Variants in HTT observed in about 807,000 individuals in gnomAD.
HTT encodes huntingtin, also known as huntington disease protein.
In HTT, 104 loss-of-function variants were observed where a neutral mutation model predicts 362.3. The ratio of observed to expected loss-of-function variants is 0.29; its 90% CI spans 0.24 to 0.34. The LOEUF is 0.34. HTT is among the 10% of genes least tolerant of loss of function. The pLI is 1.00. For synonymous variants in HTT, 1,577 were observed against 1,548.7 expected, an observed-to-expected ratio of 1.02 and a Z score of -0.43; for missense variants, 3,301 against 3,928.6, an observed-to-expected ratio of 0.84 and a Z score of 4.27.
intron 29 of HTT, among the ~76,000 whole-genome samples, chr4:3,171,729 G>A (rs773751327): frequency 1.3e-5 from 2 of 152,160 alleles, no homozygotes; most frequent in East Asian, 3.9e-4. Flanking sequence ...CACCTGCCTC[G>A]ATCTCCCAAA....
intron 6 of HTT, among the ~76,000 whole-genome samples, chr4:3,112,198 A>C (rs1035618934): frequency 6.6e-6 from 1 of 152,178 alleles, no homozygotes; most frequent in Admixed American, 6.5e-5. Context: ...GTTGGATTAG[A>C]AATCTCCCAC....
In HTT at chr4:3,134,648, C is replaced by T. The variant is rs776834535; in HGVS notation, c.2633+108C>T. Reference sequence around the variant, plus strand: ...TCAAGTACCCTGTCCATCAGAAATCCGAGTGGTTTAGGTAGATGACAGTGA... The same window carrying T: ...TCAAGTACCCTGTCCATCAGAAATCTGAGTGGTTTAGGTAGATGACAGTGA... On this transcript the variant is annotated intron_variant, in intron 19 of 66. Transcript: ENST00000355072. 14 of 1,050,930 alleles carry T rather than the reference C, an allele frequency of 1.3e-5. 1 individual carries two copies. Among genetic ancestry groups the T allele is most frequent in the African/African-American group, 3.2e-5 (2 of 62,948 alleles). 65.1% of individuals were successfully genotyped at this position (1,050,930 alleles called of 1,614,324 possible).
intron 29 of HTT, among the ~76,000 whole-genome samples, 182 bp from the exon 30 acceptor site, chr4:3,172,138 A>G (rs150386445): frequency 6.6e-6 from 1 of 152,370 alleles, no homozygotes; most frequent in Non-Finnish European, 1.5e-5. Flanking sequence ...AATGTATATA[A>G]CTTGGATTTC....
chr4:3,209,960 A>T lies in HTT; in HGVS notation c.6414+11A>T. The stretch of plus-strand genomic sequence containing the variant: ...TTCATGATGAACTCGGTACGGGGGG[A>T]GCAGTGGAGGCAAGGAATCCTCAGC... On this transcript the variant is annotated intron_variant, in intron 47 of 66. Coordinates refer to ENST00000355072, the MANE Select transcript of HTT (RefSeq NM_001388492.1). The T allele has an allele frequency of 2.5e-6, 4 of 1,612,022 alleles. No homozygotes were observed. The highest frequency in any genetic ancestry group is 2.5e-6 in the Non-Finnish European group (3 of 1,178,936).
chr4:3,118,225 T>C (rs1715125861), intron 8 of HTT, among the ~76,000 whole-genome samples: 1 of 152,252 alleles, frequency 6.6e-6, no homozygotes, highest in African/African-American at 2.4e-5. Context: ...CCAGTATTTC[T>C]TATATAATAT....
At chr4:3,122,279 A>G (rs1306923601) in intron 9 of HTT, among the ~76,000 whole-genome samples, 1 of 152,138 alleles carries the variant, frequency 6.6e-6, no homozygotes, top group Non-Finnish European at 1.5e-5. Context: ...AGCCTCTACC[A>G]CTGGGTCTGG....
chr4:3,187,598 A>C, intron 38 of HTT, 53 bp from the exon 39 acceptor site: 1 of 1,384,978 alleles, frequency 7.2e-7, no homozygotes, highest in East Asian at 2.3e-5. Flanking sequence ...ATTGGGGGAA[A>C]TTTAATCTTC....
intron 21 of HTT, among the ~76,000 whole-genome samples, chr4:3,139,420 ACTC>A (rs1331155792): frequency 1.3e-5 from 2 of 150,138 alleles, no homozygotes; most frequent in Non-Finnish European, 3.0e-5. Context: ...CTGATCTTGA[ACTC>A]CTGGCCTCAA....
chr4:3,183,649 A>G (rs569634661), intron 37 of HTT, among the ~76,000 whole-genome samples: 1 of 152,308 alleles, frequency 6.6e-6, no homozygotes, highest in South Asian at 2.1e-4. Context: ...GCTTCTGGTG[A>G]GATTGACAGC....
rs200397557 is a variant in HTT at position 3,107,267 on chromosome 4, G to A, written c.609-18G>A. ...AAGGAGAGCTGGAAGAATGACTTGCGTTCTTTTGCATACACAGGCCTTACC... is the reference window on the plus strand; with the variant it reads ...AAGGAGAGCTGGAAGAATGACTTGCATTCTTTTGCATACACAGGCCTTACC... On this transcript the variant is annotated intron_variant, in intron 5 of 66. Transcript: ENST00000355072. 3.3e-5 allele frequency: 53 copies of A among 1,607,564 alleles called. No homozygotes were observed. The African/African-American group carries it at 4.6e-4, about 14-fold the overall frequency.
intron 8 of HTT, among the ~76,000 whole-genome samples, chr4:3,118,725 G>A (rs75065354): frequency 0.013 from 2,026 of 151,778 alleles, 49 homozygotes; most frequent in African/African-American, 0.046. Context: ...GAGGGTGAAG[G>A]GGAAAAAAGG....
Position 3,132,628 on chromosome 4 carries a change from C to A in HTT, c.2303C>A (p.Thr768Asn). The change falls in exon 17 of 67, where the codon ACT becomes AAT. Residue 768 changes from threonine (T) to asparagine (N), a missense_variant. Physicochemically the swap from Thr to Asn is moderately conservative, Grantham distance 65. Transcript: ENST00000355072. ...DHGDPQVRGA[T>N]AILCGTLICS... The stretch of plus-strand genomic sequence containing the variant: ...GGAGACCCACAGGTTCGAGGAGCCA[C>A]TGCCATTCTCTGTGGGACCCTCATC... 6.2e-7 allele frequency: 1 copy of A among 1,614,040 alleles called. No individual in the cohort carries two copies. The highest frequency in any genetic ancestry group is 8.5e-7 in the Non-Finnish European group (1 of 1,179,872).
At chr4:3,187,012 C>G (rs2110247452) in intron 38 of HTT, among the ~76,000 whole-genome samples, 1 of 151,748 alleles carries the variant, frequency 6.6e-6, no homozygotes, top group Admixed American at 6.6e-5. Context: ...GCGCCCACCA[C>G]CACGCCCGGC....
intron 35 of HTT, among the ~76,000 whole-genome samples, chr4:3,179,837 A>AG (rs1718425940): frequency 8.2e-6 from 1 of 121,672 alleles, no homozygotes; most frequent in Non-Finnish European, 1.7e-5. Flanking sequence ...TGTGTCACTG[A>AG]GGGGGTCAGA....
intron 64 of HTT, among the ~76,000 whole-genome samples, chr4:3,236,671 C>T (rs1721552039): frequency 6.6e-6 from 1 of 152,144 alleles, no homozygotes; most frequent in Non-Finnish European, 1.5e-5. Flanking sequence ...GCCGTGGTGC[C>T]TGTGAGCAGG....
Position 3,223,505 on chromosome 4 carries a change from G to C in HTT, c.7570G>C (p.Val2524Leu). Residue 2524 changes from valine (V) to leucine (L), a missense_variant, in exon 55 of 67, where the codon GTA becomes CTA. Val to Leu is a conservative substitution (Grantham distance 32, BLOSUM62 1). Transcript: ENST00000355072. ...MTVPVAGNPA[V>L]SCLEQQPRNK... ...TGTGCCTGTGGCCGGCAACCCAGCTGTAAGCTGCTTGGAGCAGCAGCCCCG... is the reference window on the plus strand; with the variant it reads ...TGTGCCTGTGGCCGGCAACCCAGCTCTAAGCTGCTTGGAGCAGCAGCCCCG... 1 of 1,613,980 alleles carries C rather than the reference G, an allele frequency of 6.2e-7. No homozygotes were observed. Among genetic ancestry groups the C allele is most frequent in the South Asian group, 1.1e-5 (1 of 91,046 alleles).
At chr4:3,165,817 T>G (rs1217672831) in intron 29 of HTT, among the ~76,000 whole-genome samples, 2 of 152,100 alleles carry the variant, frequency 1.3e-5, no homozygotes, top group African/African-American at 4.8e-5. Context: ...TCTAACATTT[T>G]TTTCAAGGTT....
rs3025855 is a variant in HTT at position 3,130,525 on chromosome 4, C to A, written c.1986+102C>A. On this transcript the variant is annotated intron_variant, in intron 14 of 66. Transcript: ENST00000355072. ...ACTTTATTGCTTTCCCATCCCTGGG[C>A]CTTTAAATTTCCCCTTTAAATACCA... The A allele has an allele frequency of 1.1e-5, 7 of 636,618 alleles. No individual in the cohort carries two copies. The Admixed American group carries it at 1.6e-4, about 15-fold the overall frequency. The allele number at this position is 636,618 out of a possible 1,614,324, so 39.4% of individuals were successfully genotyped here.
In HTT at chr4:3,160,317, T is replaced by G. The variant is rs1717374183; in HGVS notation, c.3789T>G (p.Phe1263Leu). 8.4e-6 allele frequency: 13 copies of G among 1,553,364 alleles called. No individual in the cohort carries two copies. The highest frequency in any genetic ancestry group is 2.0e-5 in the Admixed American group (1 of 51,086). The change falls in exon 29 of 67, where the codon TTT (phenylalanine) becomes TTG (leucine). Residue 1263 changes from phenylalanine to leucine, a missense_variant. Physicochemically the swap from Phe to Leu is conservative, Grantham distance 22 (BLOSUM62 0). Transcript: ENST00000355072. ...TLDLQNSTEK[F>L]GGFLRSALDV... The stretch of plus-strand genomic sequence containing the variant: ...ATCTTCAGAACAGCACGGAAAAGTT[T>G]GGAGGGTTTCTCCGCTCAGCCTTGG...
Sources: allele counts gnomAD v4.1 joint callset (sites outside exome capture counted in the v4.1 genomes callset), GRCh38; gene constraint gnomAD v4.1.1; transcripts MANE v1.5; gene names NCBI Gene and HGNC (gene_info 2026-07-23, HGNC 2026-07-21).